Variants in STX1A observed in about 807,000 individuals in gnomAD.
The protein encoded by STX1A is syntaxin-1A.
In STX1A, 4 loss-of-function variants were observed where a neutral mutation model predicts 37.8. The observed-to-expected ratio is 0.11, with a 90% CI of 0.05 to 0.24. The LOEUF is 0.24. STX1A is among the 10% of genes least tolerant of loss of function. The probability of loss-of-function intolerance (pLI) is 1.00; values close to 1 mark genes in which losing one functional copy is unlikely to be tolerated. For missense variants in STX1A, 251 were observed against 399.9 expected (o/e 0.63, Z 3.18); for synonymous variants, 135 against 147.4 (o/e 0.92, Z 0.61).
Position 73,709,507 on chromosome 7 carries a change from C to T in STX1A, c.31-385G>A, listed in dbSNP as rs1799018369. Among the ~76,000 whole-genome samples, 1 of 152,138 alleles carries T rather than the reference C, an allele frequency of 6.6e-6. No homozygotes were observed. The highest frequency in any genetic ancestry group is 2.4e-5 in the African/African-American group (1 of 41,418). ...AGGACAGCTGCCTGGAAAGTGCATT[C>T]TCTACTCTCCTGGCCCTGTGGTTTA... On this transcript the variant is annotated intron_variant, in intron 1 of 9. Coordinates refer to ENST00000222812, the MANE Select transcript of STX1A (RefSeq NM_004603.4). This position sits in a 1 kb window ranked among gnomAD's most constrained non-coding sequence, Gnocchi z 4.2.
Position 73,700,666 on chromosome 7 carries a change from T to C in STX1A, c.789+64A>G, listed in dbSNP as rs1554615707. On this transcript the variant is annotated intron_variant, in intron 9 of 9. Coordinates refer to ENST00000222812, the MANE Select transcript of STX1A (RefSeq NM_004603.4). This position sits in a 1 kb window ranked among gnomAD's most constrained non-coding sequence, Gnocchi z 4.4. ...GAGAGAGGTGGGATGGGGAGGGATG[T>C]GGGATGGTTGGGGGTCCCTAATGGG... 2 of 1,593,656 alleles carry C rather than the reference T, an allele frequency of 1.3e-6. No homozygotes were observed. The highest frequency in any genetic ancestry group is 2.2e-5 in the East Asian group (1 of 44,492).
rs1799026954 is a variant in STX1A, at chr7:73,709,687, T to C, written c.31-565A>G. On this transcript the variant is annotated intron_variant, in intron 1 of 9. Coordinates refer to ENST00000222812, the MANE Select transcript of STX1A (RefSeq NM_004603.4). This position sits in a 1 kb window ranked among gnomAD's most constrained non-coding sequence, Gnocchi z 4.2. ...ACTCAGCATCCCGAGTAGCTGGAAT[T>C]ATAGGTTTCCACAACCATGCCTGGC... 6.6e-6 allele frequency among the ~76,000 whole-genome samples: 1 copy of C among 151,962 alleles called. No individual in the cohort carries two copies. Among genetic ancestry groups the C allele is most frequent in the African/African-American group, 2.4e-5 (1 of 41,408 alleles).
intron 3 of STX1A, 32 bp downstream of exon 3, chr7:73,708,557 C>T: frequency 6.3e-7 from 1 of 1,596,184 alleles, no homozygotes; most frequent in Non-Finnish European, 8.5e-7. Flanking sequence ...GCTTGTGGGG[C>T]CTGAAACCCG....
In STX1A at chr7:73,700,130, C is replaced by T. The variant is rs782415291; in HGVS notation, c.*277G>A. 47 of 519,406 alleles carry T rather than the reference C, an allele frequency of 9.0e-5. No individual in the cohort carries two copies. The highest frequency in any genetic ancestry group is 1.4e-4 in the Non-Finnish European group (39 of 287,482). The allele number at this position is 519,406 out of a possible 1,614,324, so 32.2% of individuals were successfully genotyped here. ...GGAAGGGTGGCCTGTGTCACCCTGG[C>T]GGCCCTGCCTGGGTCTGCTCCTCGC... is the stretch of plus-strand genomic sequence containing the variant. On this transcript the variant is annotated 3_prime_UTR_variant, in exon 10 of 10. Transcript: ENST00000222812. The surrounding 1 kb of genome is among the most constrained non-coding windows in gnomAD (Gnocchi z 4.4).
At chr7:73,707,410 C>T (rs891894004) in intron 3 of STX1A, among the ~76,000 whole-genome samples, 3 of 152,202 alleles carry the variant, frequency 2.0e-5, no homozygotes, top group Non-Finnish European at 2.9e-5. Flanking sequence ...CTGCCAGCTC[C>T]TTCCGGAAGC....
intron 1 of STX1A, among the ~76,000 whole-genome samples, chr7:73,718,930 G>C (rs1799389875): frequency 6.6e-6 from 1 of 150,666 alleles, no homozygotes; most frequent in African/African-American, 2.4e-5. Flanking sequence ...AAAGCCCGAA[G>C]GTGGATAGGT....
At position 73,709,448 on chromosome 7, in the gene STX1A, C is replaced by G. The variant is rs1799014603; in HGVS notation, c.31-326G>C. 6.6e-6 allele frequency among the ~76,000 whole-genome samples: 1 copy of G among 152,154 alleles called. No individual in the cohort carries two copies. Among genetic ancestry groups the G allele is most frequent in the South Asian group, 2.1e-4 (1 of 4,832 alleles). ...AGGCAAGCGAGCCTGGGGCCGGCCG[C>G]TCTGTCTGGGCCCTCTGGGTCCCCT... On this transcript the variant is annotated intron_variant, in intron 1 of 9. Transcript: ENST00000222812. This position sits in a 1 kb window ranked among gnomAD's most constrained non-coding sequence, Gnocchi z 4.2.
At chr7:73,704,677 C>T (rs782339071) in intron 4 of STX1A, 3 of 570,478 alleles carry the variant, frequency 5.3e-6, no homozygotes, top group East Asian at 3.0e-5. Flanking sequence ...CTGGTAGCTC[C>T]GGCCACCCTA....
chr7:73,709,085 G>C lies in STX1A; in HGVS notation c.68C>G (p.Thr23Ser), dbSNP rs1271164067. Residue 23 changes from threonine (T) to serine (S), a missense_variant, in exon 2 of 10, where the codon ACC (threonine) becomes AGC (serine). Around this residue, in one of 2 missense-constraint regions of STX1A, gnomAD observed 37 missense variants for 32.3 expected, o/e 1.15. Coordinates refer to ENST00000222812, the MANE Select transcript of STX1A (RefSeq NM_004603.4). This position sits in a 1 kb window ranked among gnomAD's most constrained non-coding sequence, Gnocchi z 4.2. ...ATCCATGAAGCGGTCTCGGTCCACGGTGACAGCGACATCATCATCATCATC... is the reference window on the plus strand; with the variant it reads ...ATCCATGAAGCGGTCTCGGTCCACGCTGACAGCGACATCATCATCATCATC... The part of the protein sequence containing the change: ...DSDDDDDVAV[T>S]VDRDRFMDEF... 6.2e-7 allele frequency: 1 copy of C among 1,614,018 alleles called. No individual in the cohort carries two copies. The highest frequency in any genetic ancestry group is 2.2e-5 in the East Asian group (1 of 44,854).
In STX1A at chr7:73,700,318, G is replaced by A; in HGVS notation, c.*89C>T. On this transcript the variant is annotated 3_prime_UTR_variant, in exon 10 of 10. Coordinates refer to ENST00000222812, the MANE Select transcript of STX1A (RefSeq NM_004603.4). This position sits in a 1 kb window ranked among gnomAD's most constrained non-coding sequence, Gnocchi z 4.4. ...GGGAGGGTGCTCTGAGCCAGAGGCG[G>A]GGGTTGGGAGGGCAGCCCAGCCAGG... is the stretch of plus-strand genomic sequence containing the variant. 1.5e-6 allele frequency: 2 copies of A among 1,322,252 alleles called. No individual in the cohort carries two copies. The highest frequency in any genetic ancestry group is 2.2e-6 in the Non-Finnish European group (2 of 922,624). 81.9% of individuals were successfully genotyped at this position (1,322,252 alleles called of 1,614,324 possible).
intron 3 of STX1A, among the ~76,000 whole-genome samples, chr7:73,707,172 G>A (rs1798903545): frequency 6.6e-6 from 1 of 152,154 alleles, no homozygotes; most frequent in Non-Finnish European, 1.5e-5. Context: ...TGCATCCCTG[G>A]GGCTCATGGT....
intron 3 of STX1A, among the ~76,000 whole-genome samples, chr7:73,707,052 G>C (rs1439345599): frequency 6.6e-6 from 1 of 152,168 alleles, no homozygotes; most frequent in Non-Finnish European, 1.5e-5. Flanking sequence ...GATGCCAGTG[G>C]GCTTGGGGGT....
chr7:73,704,208 C>T lies in STX1A; in HGVS notation c.406G>A (p.Ala136Thr), dbSNP rs1159515604. ...CGCTCGCGGTAGTCGGACTGCGTGGCGTTGTACTCCGACATGACCTCCACA... is the reference window on the plus strand; with the variant it reads ...CGCTCGCGGTAGTCGGACTGCGTGGTGTTGTACTCCGACATGACCTCCACA... ...KFVEVMSEYN[A>T]TQSDYRERCK... Residue 136 changes from alanine (A) to threonine (T), a missense_variant, in exon 6 of 10, where the codon GCC becomes ACC. Ala to Thr is a moderately conservative substitution (Grantham distance 58). Transcript: ENST00000222812. 3 of 1,611,796 alleles carry T rather than the reference C, an allele frequency of 1.9e-6. No homozygotes were observed. Among genetic ancestry groups the T allele is most frequent in the Admixed American group, 3.3e-5 (2 of 59,936 alleles).
At chr7:73,701,129 G>T in intron 8 of STX1A, 1 of 605,148 alleles carries the variant, frequency 1.7e-6, no homozygotes, top group Non-Finnish European at 2.9e-6. Context: ...CACTGTCAGA[G>T]ATGTGGCAGT....
chr7:73,716,005 C>T (rs893392087), intron 1 of STX1A, among the ~76,000 whole-genome samples: 12 of 152,148 alleles, frequency 7.9e-5, no homozygotes, highest in African/African-American at 2.2e-4. Flanking sequence ...AGCTTCAGGC[C>T]GTGGAAGGGG....
intron 1 of STX1A, among the ~76,000 whole-genome samples, chr7:73,716,327 C>T (rs1799288769): frequency 6.6e-6 from 1 of 152,228 alleles, no homozygotes; most frequent in African/African-American, 2.4e-5. Context: ...AAGGATGAAC[C>T]TGCCCGGTGT....
Position 73,709,254 on chromosome 7 carries a change from C to A in STX1A, c.31-132G>T. 1 of 847,232 alleles carries A rather than the reference C, an allele frequency of 1.2e-6. No individual in the cohort carries two copies. Among genetic ancestry groups the A allele is most frequent in the Non-Finnish European group, 1.9e-6 (1 of 534,278 alleles). 52.5% of individuals were successfully genotyped at this position (847,232 alleles called of 1,614,324 possible). ...GGGGGCCTCTGGGCAGGGACAAGAA[C>A]AGGCCTGGCTGTTCCGCTCCCAGCC... On this transcript the variant is annotated intron_variant, in intron 1 of 9. Transcript: ENST00000222812. The surrounding 1 kb of genome is among the most constrained non-coding windows in gnomAD (Gnocchi z 4.2).
At position 73,706,530 on chromosome 7, in the gene STX1A, C is replaced by T. The variant is rs538027473; in HGVS notation, c.209-1306G>A. 1.7e-3 allele frequency among the ~76,000 whole-genome samples: 256 copies of T among 152,244 alleles called. No homozygotes were observed. The highest frequency in any genetic ancestry group is 3.2e-3 in the Non-Finnish European group (215 of 67,994). On this transcript the variant is annotated intron_variant, in intron 3 of 9. Transcript: ENST00000222812. The surrounding 1 kb of genome is among the most constrained non-coding windows in gnomAD (Gnocchi z 4.6). The stretch of plus-strand genomic sequence containing the variant: ...TCCTCTTAGCGAGAGCCTGGGACTC[C>T]GCCAGGTCTCAACTGCTCAGCTCAC...
chr7:73,703,591 G>C, intron 7 of STX1A, 164 bp downstream of exon 7: 1 of 858,634 alleles, frequency 1.2e-6, no homozygotes, highest in Non-Finnish European at 1.9e-6. Flanking sequence ...TGACATTTAT[G>C]TGACCTCAGC....
Sources: allele counts gnomAD v4.1 joint callset (sites outside exome capture counted in the v4.1 genomes callset), GRCh38; gene constraint gnomAD v4.1.1; regional missense constraint gnomAD v4.1.1; non-coding constraint Gnocchi (gnomAD v3.1); transcripts MANE v1.5; gene names NCBI Gene and HGNC (gene_info 2026-07-23, HGNC 2026-07-21).